ZNF385D: variants seen among roughly 807,000 people sequenced by gnomAD.
ZNF385D encodes the protein zinc finger protein 385D, also known as zinc finger protein 659.
Under a neutral mutation model 35.8 loss-of-function variants are expected in ZNF385D, and 15 were observed. That is an observed-to-expected ratio of 0.42 (90% CI 0.28 to 0.64). The LOEUF (loss-of-function observed/expected upper bound fraction) is 0.64. Among genes scored for constraint, ZNF385D ranks in the 30% least tolerant of loss-of-function variants. The pLI is 0.23. For synonymous variants in ZNF385D, 212 were observed against 186.8 expected, an observed-to-expected ratio of 1.13 and a Z score of -1.10; for missense variants, 474 against 494.6, an observed-to-expected ratio of 0.96 and a Z score of 0.39.
intron 3 of ZNF385D, among the ~76,000 whole-genome samples, chr3:21,521,768 C>T (rs147769306): frequency 1.8e-4 from 28 of 151,982 alleles, no homozygotes; most frequent in African/African-American, 6.0e-4. Context: ...GCCCCAAAAA[C>T]GTCTCTATAA....
chr3:22,203,850 T>C lies in ZNF385D; in HGVS notation c.107-34815A>G, dbSNP rs188950695. On this transcript the variant is annotated intron_variant, in intron 2 of 5. Coordinates refer to the ZNF385D transcript ENST00000494108. ...AGAGCATCAGGTAGATTTCTGAGAT[T>C]CCAACTTCAAACCATGGCTTCTGGA... 2.5e-3 allele frequency among the ~76,000 whole-genome samples: 379 copies of C among 152,270 alleles called. 2 individuals carry two copies. Among genetic ancestry groups the C allele is most frequent in the South Asian group, 0.014 (67 of 4,830 alleles).
intron 4 of ZNF385D, among the ~76,000 whole-genome samples, chr3:21,472,487 C>T (rs1703967472): frequency 6.6e-6 from 1 of 152,086 alleles, no homozygotes; most frequent in Non-Finnish European, 1.5e-5. Context: ...ATCCCTGAGC[C>T]CATTGTCCAT....
intron 3 of ZNF385D, among the ~76,000 whole-genome samples, chr3:22,026,565 C>G (rs1177994058): frequency 6.6e-6 from 1 of 152,174 alleles, no homozygotes; most frequent in African/African-American, 2.4e-5. Context: ...CTACTTACAG[C>G]AGATCCAGTG....
chr3:21,752,453 C>T (rs184061489), upstream of ZNF385D, among the ~76,000 whole-genome samples: 2 of 152,014 alleles, frequency 1.3e-5, no homozygotes, highest in East Asian at 1.9e-4. Flanking sequence ...CATTTCCTTA[C>T]GCGATTCTAT....
intron 2 of ZNF385D, among the ~76,000 whole-genome samples, chr3:22,192,347 C>A (rs1261880211): frequency 1.3e-5 from 2 of 152,124 alleles, no homozygotes; most frequent in Non-Finnish European, 2.9e-5. Context: ...GCTGTTCTAG[C>A]CACTTCTAAG....
chr3:21,901,245 G>T (rs1338433245), intron 3 of ZNF385D, among the ~76,000 whole-genome samples: 1 of 152,146 alleles, frequency 6.6e-6, no homozygotes, highest in Admixed American at 6.6e-5. Flanking sequence ...CCAAAGTGCT[G>T]GGATTACAGG....
intron 3 of ZNF385D, among the ~76,000 whole-genome samples, chr3:22,070,443 T>C (rs115934297): frequency 0.015 from 2,213 of 152,284 alleles, 57 homozygotes; most frequent in African/African-American, 0.051. Flanking sequence ...ACATTGCTAA[T>C]TGTTTCTGTT....
chr3:21,665,308 G>C (rs2066372151), intron 1 of ZNF385D, among the ~76,000 whole-genome samples: 1 of 152,122 alleles, frequency 6.6e-6, no homozygotes, highest in South Asian at 2.1e-4. Context: ...CCTGCCTAGA[G>C]CTCCAGATTG....
intron 3 of ZNF385D, among the ~76,000 whole-genome samples, chr3:22,162,606 C>T (rs535378362): frequency 2.0e-5 from 3 of 152,228 alleles, no homozygotes; most frequent in Admixed American, 6.5e-5. Context: ...CCTCACTGTC[C>T]TATTACCTGG....
chr3:21,713,404 G>T (rs1389676055), intron 1 of ZNF385D, among the ~76,000 whole-genome samples: 1 of 152,108 alleles, frequency 6.6e-6, no homozygotes, highest in Non-Finnish European at 1.5e-5. Context: ...CTGTCATGTG[G>T]TGTCTGTTTT....
At chr3:21,958,617 C>A (rs1246106925) in intron 3 of ZNF385D, among the ~76,000 whole-genome samples, 1 of 152,014 alleles carries the variant, frequency 6.6e-6, no homozygotes, top group East Asian at 1.9e-4. Context: ...ACAATTTTAC[C>A]TGTAATATAA....
rs79308326 is a variant in ZNF385D, at chr3:21,563,841, G to A, written c.276+733C>T. Among the ~76,000 whole-genome samples the A allele has an allele frequency of 3.4e-3, 511 of 152,188 alleles. 3 individuals are homozygous for A. The highest frequency in any genetic ancestry group is 0.011 in the African/African-American group (459 of 41,530). Reference sequence around the variant, plus strand: ...AACTTCATATCAAAGCAGGTTTAGCGGGGAAGAGAAGACATACATTTTTTT... The same window carrying A: ...AACTTCATATCAAAGCAGGTTTAGCAGGGAAGAGAAGACATACATTTTTTT... On this transcript the variant is annotated intron_variant, in intron 3 of 7. Coordinates refer to ENST00000281523, the MANE Select transcript of ZNF385D (RefSeq NM_024697.3).
At position 21,957,604 on chromosome 3, in the gene ZNF385D, G is replaced by C. The variant is rs555259381; in HGVS notation, c.325+211213C>G. 7.8e-4 allele frequency among the ~76,000 whole-genome samples: 119 copies of C among 152,184 alleles called. 1 individual carries two copies. Among genetic ancestry groups the C allele is most frequent in the Middle Eastern group, 3.4e-3 (1 of 294 alleles). On this transcript the variant is annotated intron_variant, in intron 3 of 5. Transcript: ENST00000494108. ...CCCAAACCCCAGAGGACATGCATAA[G>C]GTATTGCTTGAACTGGTGTTCTGCT...
chr3:22,156,495 C>G (rs1429991134), intron 3 of ZNF385D, among the ~76,000 whole-genome samples: 1 of 152,062 alleles, frequency 6.6e-6, no homozygotes, highest in African/African-American at 2.4e-5. Context: ...ACGCTACTTG[C>G]TTTCATGACT....
At chr3:21,839,984 T>A (rs993892243) in intron 3 of ZNF385D, among the ~76,000 whole-genome samples, 7 of 152,112 alleles carry the variant, frequency 4.6e-5, no homozygotes, top group African/African-American at 1.7e-4. Flanking sequence ...TGCTTGTGCC[T>A]ATACTGCTTT....
chr3:21,934,341 T>C (rs1701160197), intron 3 of ZNF385D, among the ~76,000 whole-genome samples: 2 of 152,184 alleles, frequency 1.3e-5, no homozygotes, highest in Admixed American at 1.3e-4. Flanking sequence ...CTCTATGCTT[T>C]TATGTAAACA....
intron 3 of ZNF385D, among the ~76,000 whole-genome samples, chr3:22,014,065 C>G (rs1028823617): frequency 6.6e-6 from 1 of 152,064 alleles, no homozygotes; most frequent in Admixed American, 6.6e-5. Flanking sequence ...GGGAAGAAAT[C>G]TTTGAGGAAA....
At chr3:22,153,934 G>A (rs1705423670) in intron 3 of ZNF385D, among the ~76,000 whole-genome samples, 1 of 152,086 alleles carries the variant, frequency 6.6e-6, no homozygotes, top group Non-Finnish European at 1.5e-5. Flanking sequence ...TGCTAATCAT[G>A]GTAGCACTCT....
chr3:22,284,319 G>C (rs1016723625), intron 2 of ZNF385D, among the ~76,000 whole-genome samples: 12 of 151,966 alleles, frequency 7.9e-5, no homozygotes, highest in African/African-American at 2.9e-4. Context: ...CTCCCAAATA[G>C]CTGGGATTAC....
Sources: allele counts gnomAD v4.1 joint callset (sites outside exome capture counted in the v4.1 genomes callset), GRCh38; gene constraint gnomAD v4.1.1; transcripts MANE v1.5; gene names NCBI Gene and HGNC (gene_info 2026-07-23, HGNC 2026-07-21).